COQ6: variants seen among roughly 807,000 people sequenced by gnomAD.
COQ6 encodes coenzyme Q6, monooxygenase.
COQ6 carries 45 observed loss-of-function variants against 55.5 expected under a neutral mutation model. The observed-to-expected ratio is 0.81, with a 90% CI of 0.64 to 1.04. COQ6 has a LOEUF of 1.04. Ranked by LOEUF, COQ6 falls within the 50% of genes least tolerant of loss-of-function variation. The pLI is 0.00. For missense variants in COQ6, 550 were observed against 601.3 expected, an observed-to-expected ratio of 0.91 and a Z score of 0.89; for synonymous variants, 206 against 230.5, an observed-to-expected ratio of 0.89 and a Z score of 0.96.
At chr14:73,951,561 C>T (rs933855515) in intron 1 of COQ6, among the ~76,000 whole-genome samples, 11 of 147,428 alleles carry the variant, frequency 7.5e-5, no homozygotes, top group African/African-American at 1.5e-4. Flanking sequence ...CTCCTGATCT[C>T]GTGATCCACC....
At position 73,950,348 on chromosome 14, in the gene COQ6, G is replaced by C. The variant is rs746873006; in HGVS notation, c.16G>C (p.Val6Leu). The change falls in exon 1 of 12, where the codon GTC (valine) becomes CTC (leucine). Residue 6 changes from valine to leucine, a missense_variant. Coordinates refer to ENST00000334571, the MANE Select transcript of COQ6 (RefSeq NM_182476.3). MAARLVSRCGAVRAAP... is the reference protein window; with the variant it reads MAARLLSRCGAVRAAP... ...GGTCTGCACCATGGCGGCCCGGCTTGTCAGCCGATGCGGGGCTGTGCGTGC... is the reference window on the plus strand; with the variant it reads ...GGTCTGCACCATGGCGGCCCGGCTTCTCAGCCGATGCGGGGCTGTGCGTGC... The C allele has an allele frequency of 3.9e-6, 6 of 1,553,938 alleles. No homozygotes were observed. Among genetic ancestry groups the C allele is most frequent in the South Asian group, 2.3e-5 (2 of 85,184 alleles).
chr14:73,958,953 G>A lies in COQ6; in HGVS notation c.613-18G>A, dbSNP rs765146911. On this transcript the variant is annotated intron_variant, in intron 5 of 11. Transcript: ENST00000334571. ...ATGAAGAGGCTGGAAGACTTAGCAG[G>A]CTCATGTGTCCATGCAGATAGGTGC... The A allele has an allele frequency of 6.2e-7, 1 of 1,613,104 alleles. No individual in the cohort carries two copies. Among genetic ancestry groups the A allele is most frequent in the East Asian group, 2.2e-5 (1 of 44,902 alleles).
intron 4 of COQ6, chr14:73,956,566 A>G (rs2056447599): frequency 6.5e-6 from 1 of 152,972 alleles, no homozygotes; most frequent in South Asian, 2.0e-4. Context: ...TTGAGAGTGA[A>G]GTTGTATCTC....
At position 73,955,866 on chromosome 14, in the gene COQ6, G is replaced by C; in HGVS notation, c.419G>C (p.Gly140Ala). ...MFDKDNLDDM[G>A]YIVENDVIMH... ...GATAAGGATAATTTAGATGACATGG[G>C]CTATATCGTGGAGAATGATGTCATC... The change falls in exon 4 of 12, where the codon GGC (glycine) becomes GCC (alanine). Residue 140 changes from glycine to alanine, a missense_variant. Coordinates refer to ENST00000334571, the MANE Select transcript of COQ6 (RefSeq NM_182476.3). The C allele has an allele frequency of 6.2e-7, 1 of 1,614,106 alleles. No individual in the cohort carries two copies. The highest frequency in any genetic ancestry group is 8.5e-7 in the Non-Finnish European group (1 of 1,179,992).
chr14:73,956,088 G>C (rs1391800009), intron 4 of COQ6, 160 bp downstream of exon 4: 1 of 947,010 alleles, frequency 1.1e-6, no homozygotes, highest in African/African-American at 1.6e-5. Flanking sequence ...ACTTTTGGAG[G>C]CTAAGGCGGG....
chr14:73,961,550 C>A lies in COQ6; in HGVS notation c.1190C>A (p.Ala397Asp). ...TTGGCCCATCACCTCAGTACGGCAG[C>A]CTTCAATGGGAAGGACTTAGGTAAG... ...SSLAHHLSTAAFNGKDLGSVS... is the reference protein window; with the variant it reads ...SSLAHHLSTADFNGKDLGSVS... The change falls in exon 10 of 12, where the codon GCC becomes GAC. Residue 397 changes from alanine to aspartate, a missense_variant. By Grantham distance (126) the Ala-to-Asp change is moderately radical. Coordinates refer to ENST00000334571, the MANE Select transcript of COQ6 (RefSeq NM_182476.3). 11 of 1,614,088 alleles carry A rather than the reference C, an allele frequency of 6.8e-6. No homozygotes were observed. Among genetic ancestry groups the A allele is most frequent in the Non-Finnish European group, 9.3e-6 (11 of 1,180,008 alleles).
intron 8 of COQ6, chr14:73,959,811 C>G (rs2056626791): frequency 7.8e-7 from 1 of 1,281,308 alleles, no homozygotes; most frequent in African/African-American, 1.5e-5. Context: ...CTCAAGTGAT[C>G]TGCCTGCCTT....
chr14:73,962,607 C>CTCCTTTTT (rs2056796041), intron 11 of COQ6: 1 of 200,796 alleles, frequency 5.0e-6, no homozygotes, highest in Non-Finnish European at 1.0e-5. Flanking sequence ...GATGTTTAAG[C>CTCCTTTTT]TCCTTTTGCT....
At chr14:73,955,242 C>T (rs1322391167) in intron 2 of COQ6, 13 of 607,498 alleles carry the variant, frequency 2.1e-5, no homozygotes, top group African/African-American at 9.3e-5. Context: ...CATGAGCCAC[C>T]GCGCCCGGCA....
chr14:73,961,786 C>T lies in COQ6; in HGVS notation c.1260C>T (p.Asn420=). 6.2e-7 allele frequency: 1 copy of T among 1,614,180 alleles called. No homozygotes were observed. Among genetic ancestry groups the T allele is most frequent in the Non-Finnish European group, 8.5e-7 (1 of 1,180,020 alleles). ...ATGAAACAGAAAGACAGCGTCACAACACTGCTCTTCTGGCTGCTACAGACT... is the reference window on the plus strand; with the variant it reads ...ATGAAACAGAAAGACAGCGTCACAATACTGCTCTTCTGGCTGCTACAGACT... ...TGYETERQRH[N]TALLAATDLL... The change falls in exon 11 of 12, where the codon AAC becomes AAT. Residue 420 remains asparagine, a synonymous_variant. Coordinates refer to ENST00000334571, the MANE Select transcript of COQ6 (RefSeq NM_182476.3).
chr14:73,956,819 A>G (rs1308980061), intron 4 of COQ6: 1 of 152,166 alleles, frequency 6.6e-6, no homozygotes, highest in Non-Finnish European at 1.5e-5. Flanking sequence ...AAGTAACTTA[A>G]ATGCTTTTTG....
intron 3 of COQ6, 56 bp downstream of exon 3, chr14:73,955,565 G>A (rs1391748455): frequency 1.1e-5 from 17 of 1,520,894 alleles, no homozygotes; most frequent in East Asian, 4.5e-5. Context: ...TTAAGATATC[G>A]GAGTCCACTT....
At chr14:73,951,132 G>A (rs1173016187) in intron 1 of COQ6, among the ~76,000 whole-genome samples, 1 of 152,112 alleles carries the variant, frequency 6.6e-6, no homozygotes, top group East Asian at 1.9e-4. Flanking sequence ...AAATAGCTGG[G>A]ACTGCAGGAA....
intron 1 of COQ6, among the ~76,000 whole-genome samples, chr14:73,952,824 C>T (rs141219050): frequency 0.016 from 2,450 of 152,060 alleles, 68 homozygotes; most frequent in African/African-American, 0.055. Context: ...TACAGGTGCC[C>T]GCCATCACAC....
At chr14:73,951,237 C>A (rs1289589780) in intron 1 of COQ6, among the ~76,000 whole-genome samples, 3 of 152,160 alleles carry the variant, frequency 2.0e-5, no homozygotes, top group Non-Finnish European at 4.4e-5. Context: ...CTCAAGCAAT[C>A]CACCTGCCTC....
chr14:73,950,110 A>T (rs756334924), upstream of COQ6: 1 of 1,601,822 alleles, frequency 6.2e-7, no homozygotes, highest in Non-Finnish European at 8.5e-7. Flanking sequence ...GCCAGGGTCC[A>T]CCCCTTTCTA....
At chr14:73,961,951 T>C in intron 11 of COQ6, 48 bp downstream of exon 11, 1 of 1,602,806 alleles carries the variant, frequency 6.2e-7, no homozygotes, top group African/African-American at 1.3e-5. Flanking sequence ...TCTTAATTTC[T>C]TTTGCTTTTT....
In COQ6 at chr14:73,958,160, T is replaced by C; in HGVS notation, c.495T>C (p.Val165=). The change falls in exon 5 of 12, where the codon GTT becomes GTC. Residue 165 remains valine (V), a synonymous_variant. Transcript: ENST00000334571. ...QLEAVSDRVT[V]LYRSKAIRYT... ...TGACCTCCCCAGACCGAGTGACGGTTCTCTACAGGAGCAAAGCCATTCGCT... is the reference window on the plus strand; with the variant it reads ...TGACCTCCCCAGACCGAGTGACGGTCCTCTACAGGAGCAAAGCCATTCGCT... The C allele has an allele frequency of 1.9e-6, 3 of 1,614,102 alleles. No homozygotes were observed. The highest frequency in any genetic ancestry group is 2.2e-5 in the East Asian group (1 of 44,882).
rs1594804202 is a variant in COQ6, at chr14:73,959,094, G to C, written c.720+16G>C. On this transcript the variant is annotated intron_variant, in intron 6 of 11. Coordinates refer to ENST00000334571, the MANE Select transcript of COQ6 (RefSeq NM_182476.3). ...TTTATCAGAGGTAAGATCCTGAGCT[G>C]CCATCTGGGGACTTTATTCATAGGC... is the stretch of plus-strand genomic sequence containing the variant. 1 of 1,614,172 alleles carries C rather than the reference G, an allele frequency of 6.2e-7. No homozygotes were observed. The highest frequency in any genetic ancestry group is 1.7e-5 in the Admixed American group (1 of 60,016).
Sources: allele counts gnomAD v4.1 joint callset (sites outside exome capture counted in the v4.1 genomes callset), GRCh38; gene constraint gnomAD v4.1.1; transcripts MANE v1.5; gene names NCBI Gene and HGNC (gene_info 2026-07-23, HGNC 2026-07-21).